KLHDC4: variants seen among roughly 807,000 people sequenced by gnomAD.
KLHDC4 encodes the protein kelch domain containing 4.
Under a neutral mutation model 62.4 loss-of-function variants are expected in KLHDC4, and 90 were observed. The ratio of observed to expected loss-of-function variants is 1.44; its 90% CI spans 1.22 to 1.72. The LOEUF (loss-of-function observed/expected upper bound fraction) is 1.72, where lower values mean the gene tolerates loss of function less well. KLHDC4 is among the 40% of genes most tolerant of loss of function. KLHDC4 has a pLI of 0.00. For synonymous variants in KLHDC4, 386 were observed against 284.4 expected, an observed-to-expected ratio of 1.36 and a Z score of -3.59; for missense variants, 1,025 against 699.7, an observed-to-expected ratio of 1.47 and a Z score of -5.25.
At chr16:87,698,493 GA>G (rs2033996292) in exon 1 of KLHDC4, 1 of 152,254 alleles carries the variant, frequency 6.6e-6, no homozygotes, top group African/African-American at 2.4e-5. Context: ...CACACCATGA[GA>G]CATGCACAGA....
chr16:87,719,112 C>A (rs976008728), intron 7 of KLHDC4, among the ~76,000 whole-genome samples: 2 of 151,916 alleles, frequency 1.3e-5, no homozygotes, highest in South Asian at 4.2e-4. Flanking sequence ...TGCCTCTGCC[C>A]GGCTGCCCCG....
chr16:87,755,246 G>C lies in KLHDC4; in HGVS notation c.317C>G (p.Thr106Ser). ...ACTGGGGATGTCAACTTTGGTCCAG[G>C]TGTCCTTTCTGGTATTGTAGACATA... is the stretch of plus-strand genomic sequence containing the variant. ...ELYVYNTRKD[T>S]WTKVDIPSPP... Residue 106 changes from threonine (T) to serine (S), a missense_variant, in exon 4 of 12, where the codon ACC becomes AGC. Coordinates refer to ENST00000270583, the MANE Select transcript of KLHDC4 (RefSeq NM_017566.4). The C allele has an allele frequency of 6.2e-7, 1 of 1,611,886 alleles. No individual in the cohort carries two copies. The highest frequency in any genetic ancestry group is 8.5e-7 in the Non-Finnish European group (1 of 1,178,068).
intron 5 of KLHDC4, among the ~76,000 whole-genome samples, chr16:87,739,175 C>G (rs1224851387): frequency 4.6e-5 from 6 of 130,160 alleles, no homozygotes; most frequent in African/African-American, 1.9e-4. Context: ...ATCCACACAC[C>G]AGCATCTCAT....
intron 1 of KLHDC4, chr16:87,765,416 C>T (rs760424147): frequency 2.5e-5 from 12 of 487,334 alleles, no homozygotes; most frequent in Middle Eastern, 3.1e-4. Context: ...AGGCAGCCCC[C>T]GGCTCAACCT....
intron 8 of KLHDC4, 124 bp from the exon 9 acceptor site, chr16:87,711,567 G>A (rs1351238392): frequency 7.9e-6 from 6 of 757,078 alleles, no homozygotes; most frequent in African/African-American, 7.0e-5. Context: ...TGAGACTGTG[G>A]GCAAAAACTC....
intron 7 of KLHDC4, among the ~76,000 whole-genome samples, chr16:87,724,814 G>T (rs914578218): frequency 1.3e-5 from 2 of 152,120 alleles, no homozygotes; most frequent in Non-Finnish European, 2.9e-5. Flanking sequence ...CCAGGGCCCA[G>T]CAGCTCCACT....
chr16:87,718,292 TCTCCCTCTCCCTCCCCCTCTCCCTCCCC>T (rs2037412390), intron 7 of KLHDC4, among the ~76,000 whole-genome samples: 6 of 117,184 alleles, frequency 5.1e-5, no homozygotes, highest in Non-Finnish European at 8.7e-5. Flanking sequence ...TCGCTCTCCC[TCTCCCTCTCCCTCCCCCTCTCCCTCCCC>T]CTCCCTCTCC....
chr16:87,741,053 CCCT>C (rs988733101), intron 5 of KLHDC4: 1 of 152,164 alleles, frequency 6.6e-6, no homozygotes, highest in African/African-American at 2.4e-5. Flanking sequence ...GCCATTACCC[CCCT>C]CATTTCCAAA....
At chr16:87,714,050 C>T (rs1430392037) in intron 8 of KLHDC4, among the ~76,000 whole-genome samples, 1 of 152,122 alleles carries the variant, frequency 6.6e-6, no homozygotes, top group Admixed American at 6.5e-5. Flanking sequence ...AAGCCCACAC[C>T]CAGCCTGCCC....
At chr16:87,719,633 C>A (rs2037844317) in intron 7 of KLHDC4, among the ~76,000 whole-genome samples, 1 of 151,688 alleles carries the variant, frequency 6.6e-6, no homozygotes, top group Admixed American at 6.6e-5. Context: ...GCCAAATCCC[C>A]CTCTCCGAGA....
chr16:87,708,132 C>T (rs1364288375), intron 11 of KLHDC4, 57 bp from the exon 12 acceptor site: 6 of 660,020 alleles, frequency 9.1e-6, no homozygotes, highest in Admixed American at 6.5e-5. Context: ...GGGGGAGGCC[C>T]GTGCAGGAGG....
chr16:87,719,810 C>T (rs1351709374), intron 7 of KLHDC4, among the ~76,000 whole-genome samples: 1 of 152,192 alleles, frequency 6.6e-6, no homozygotes, highest in East Asian at 1.9e-4. Context: ...CAAGTGTCAA[C>T]ATGGAGGGTG....
Position 87,745,740 on chromosome 16 carries a change from T to C in KLHDC4, c.506+2933A>G, listed in dbSNP as rs138314141. ...CCATGGGGACAGTCAAGGCGCCTGG[T>C]GTTTATGAGGGCAAGGGCTCAGCAC... On this transcript the variant is annotated intron_variant, in intron 5 of 11. Transcript: ENST00000270583. 2.6e-3 allele frequency among the ~76,000 whole-genome samples: 394 copies of C among 152,110 alleles called. 3 individuals are homozygous for C. Among genetic ancestry groups the C allele is most frequent in the African/African-American group, 8.6e-3 (355 of 41,500 alleles).
rs556424587 is a variant in KLHDC4 at position 87,742,258 on chromosome 16, A to C, written c.506+6415T>G. On this transcript the variant is annotated intron_variant, in intron 5 of 11. Coordinates refer to ENST00000270583, the MANE Select transcript of KLHDC4 (RefSeq NM_017566.4). The stretch of plus-strand genomic sequence containing the variant: ...AATCAACAGGCCGCCTGCACCCTTC[A>C]GTCCCCTGTACCATCCCCAGCTACA... Among the ~76,000 whole-genome samples the C allele has an allele frequency of 7.2e-5, 11 of 152,238 alleles. No individual in the cohort carries two copies. The South Asian group carries it at 2.3e-3, about 32-fold the overall frequency.
downstream of KLHDC4, among the ~76,000 whole-genome samples, chr16:87,705,013 G>T (rs182322892): frequency 6.6e-6 from 1 of 152,004 alleles, no homozygotes; most frequent in African/African-American, 2.4e-5. Flanking sequence ...GCTGCCAAGC[G>T]GGCCGGCCAG....
chr16:87,754,745 G>C (rs571533828), intron 4 of KLHDC4, among the ~76,000 whole-genome samples: 85 of 152,292 alleles, frequency 5.6e-4, no homozygotes, highest in Admixed American at 9.2e-4. Context: ...CTGCTCTCCT[G>C]GGTAGGAAAC....
chr16:87,762,589 GCTC>G (rs1173912046), intron 1 of KLHDC4, among the ~76,000 whole-genome samples: 2 of 152,190 alleles, frequency 1.3e-5, no homozygotes, highest in Non-Finnish European at 2.9e-5. Flanking sequence ...TAAAATATGA[GCTC>G]CACCAGAGCA....
At chr16:87,734,190 C>T (rs1254291347) in intron 5 of KLHDC4, among the ~76,000 whole-genome samples, 1 of 148,834 alleles carries the variant, frequency 6.7e-6, no homozygotes, top group Non-Finnish European at 1.5e-5. Context: ...ACTAAAAATA[C>T]AGTAATTAGC....
chr16:87,754,073 G>A (rs2044467123), intron 4 of KLHDC4, among the ~76,000 whole-genome samples: 1 of 143,988 alleles, frequency 6.9e-6, no homozygotes, highest in Non-Finnish European at 1.5e-5. Context: ...CCAGGAGGCG[G>A]AAATTGCAGT....
Sources: allele counts gnomAD v4.1 joint callset (sites outside exome capture counted in the v4.1 genomes callset), GRCh38; gene constraint gnomAD v4.1.1; transcripts MANE v1.5; gene names NCBI Gene and HGNC (gene_info 2026-07-23, HGNC 2026-07-21).